Variants in PCDHGB2 observed in about 807,000 individuals in gnomAD.
PCDHGB2 encodes the protein protocadherin gamma-B2.
A neutral mutation model predicts 59.3 loss-of-function variants in PCDHGB2; 55 were observed. The ratio of observed to expected loss-of-function variants is 0.93; its 90% confidence interval spans 0.75 to 1.16. The LOEUF is 1.16. Ranked by LOEUF, PCDHGB2 falls within the 50% of genes most tolerant of loss-of-function variation. PCDHGB2 has a pLI of 0.00. For missense variants in PCDHGB2, 1,228 were observed against 1,198.5 expected (o/e 1.02, Z -0.36); for synonymous variants, 516 against 512.0 (o/e 1.01, Z -0.11).
intron 1 of PCDHGB2, chr5:141,475,850 G>A (rs2099376325): frequency 1.9e-5 from 9 of 464,524 alleles, no homozygotes; most frequent in Middle Eastern, 5.9e-4. Context: ...AGAGAGCCCG[G>A]CGCTAGCTCA....
intron 1 of PCDHGB2, among the ~76,000 whole-genome samples, chr5:141,482,944 G>A (rs1362136222): frequency 6.6e-6 from 1 of 152,094 alleles, no homozygotes; most frequent in Non-Finnish European, 1.5e-5. Context: ...GTGGTTGTGG[G>A]TGCCTGTAAT....
chr5:141,389,144 T>C, intron 1 of PCDHGB2: 1 of 1,614,020 alleles, frequency 6.2e-7, no homozygotes, highest in Non-Finnish European at 8.5e-7. Flanking sequence ...ATATAACCGT[T>C]ACGGCAACAG....
rs548002755 is a variant in PCDHGB2, at chr5:141,409,062, G to A, written c.2421+46506G>A. On this transcript the variant is annotated intron_variant, in intron 1 of 3. Coordinates refer to ENST00000522605, the MANE Select transcript of PCDHGB2 (RefSeq NM_018923.3). ...TACTACTTCCGAAGCACTGCCCAGAGCACAAAACATATGTTCTCATTGGAT... is the reference window on the plus strand; with the variant it reads ...TACTACTTCCGAAGCACTGCCCAGAACACAAAACATATGTTCTCATTGGAT... The A allele has an allele frequency of 3.1e-6, 5 of 1,614,000 alleles. No homozygotes were observed. The South Asian group carries it at 4.4e-5, about 14-fold the overall frequency.
At chr5:141,495,544 T>C (rs971374249) in intron 2 of PCDHGB2, among the ~76,000 whole-genome samples, 5 of 152,220 alleles carry the variant, frequency 3.3e-5, no homozygotes, top group African/African-American at 7.2e-5. Context: ...CCTCAGTCTC[T>C]ATCTCGCTTT....
At chr5:141,374,951 C>T (rs780549456) in intron 1 of PCDHGB2, 2 of 1,614,018 alleles carry the variant, frequency 1.2e-6, no homozygotes, top group Non-Finnish European at 1.7e-6. Context: ...AAAGATCTCA[C>T]AAATTTTCTG....
chr5:141,392,745 G>A, intron 1 of PCDHGB2: 1 of 1,441,296 alleles, frequency 6.9e-7, no homozygotes, highest in African/African-American at 1.4e-5. Flanking sequence ...CCATAGCTGC[G>A]GCAAGAAACT....
At chr5:141,495,286 A>T (rs1341490472) in intron 2 of PCDHGB2, among the ~76,000 whole-genome samples, 2 of 152,088 alleles carry the variant, frequency 1.3e-5, no homozygotes, top group Non-Finnish European at 2.9e-5. Context: ...GGCGGTCCGC[A>T]CTCAGCGCCT....
At chr5:141,430,771 G>A (rs772862341) in intron 1 of PCDHGB2, 37 of 1,506,734 alleles carry the variant, frequency 2.5e-5, no homozygotes, top group Non-Finnish European at 2.7e-5. Flanking sequence ...TGATTCCTGC[G>A]CGACTGCACC....
At chr5:141,384,620 G>T in intron 1 of PCDHGB2, 1 of 1,614,200 alleles carries the variant, frequency 6.2e-7, no homozygotes, top group Non-Finnish European at 8.5e-7. Flanking sequence ...GGTTCTACTG[G>T]CATGGAGCTG....
chr5:141,478,901 A>T (rs2099483520), intron 1 of PCDHGB2: 2 of 1,002,034 alleles, frequency 2.0e-6, no homozygotes, highest in African/African-American at 3.3e-5. Flanking sequence ...ATTAGGAATA[A>T]GCTGCTGGAT....
At chr5:141,462,523 G>GTGTT (rs2099041548) in intron 1 of PCDHGB2, among the ~76,000 whole-genome samples, 1 of 152,024 alleles carries the variant, frequency 6.6e-6, no homozygotes, top group African/African-American at 2.4e-5. Context: ...GTTAGTAAGA[G>GTGTT]TGTTGTTCAG....
chr5:141,384,763 T>C, intron 1 of PCDHGB2: 1 of 1,613,952 alleles, frequency 6.2e-7, no homozygotes. Context: ...GGTTGGGCTG[T>C]ACACGGGCGA....
chr5:141,451,676 G>C (rs1363843426), intron 1 of PCDHGB2, among the ~76,000 whole-genome samples: 1 of 152,142 alleles, frequency 6.6e-6, no homozygotes, highest in African/African-American at 2.4e-5. Context: ...GAGCCCAGGA[G>C]TTCAAGACCA....
chr5:141,501,331 A>ACC (rs906542724), intron 2 of PCDHGB2, among the ~76,000 whole-genome samples: 1 of 138,846 alleles, frequency 7.2e-6, no homozygotes, highest in Non-Finnish European at 1.6e-5. Flanking sequence ...ACACACACAC[A>ACC]CACCCCAAAC....
intron 1 of PCDHGB2, chr5:141,385,593 C>A: frequency 8.1e-7 from 1 of 1,235,054 alleles, no homozygotes; most frequent in African/African-American, 1.6e-5. Flanking sequence ...TTCCAACCTA[C>A]TTTCTTAACT....
intron 1 of PCDHGB2, chr5:141,385,038 G>C (rs377185831): frequency 4.3e-6 from 7 of 1,614,138 alleles, no homozygotes; most frequent in Non-Finnish European, 5.9e-6. Flanking sequence ...TACTGCTGGC[G>C]CTCAGGCTGC....
At chr5:141,500,355 C>G (rs539892249) in intron 2 of PCDHGB2, among the ~76,000 whole-genome samples, 2 of 151,912 alleles carry the variant, frequency 1.3e-5, no homozygotes, top group Non-Finnish European at 2.9e-5. Flanking sequence ...ACTACAGGCG[C>G]CCACTACCAC....
At chr5:141,505,583 T>C (rs2099846941) in intron 3 of PCDHGB2, 102 bp downstream of exon 3, 3 of 1,583,532 alleles carry the variant, frequency 1.9e-6, no homozygotes, top group Non-Finnish European at 2.6e-6. Flanking sequence ...ACCTGTGTAG[T>C]TTCTCCAGAT....
intron 1 of PCDHGB2, chr5:141,408,693 T>C (rs1561714723): frequency 6.2e-6 from 10 of 1,613,768 alleles, no homozygotes; most frequent in Non-Finnish European, 8.5e-6. Flanking sequence ...GATATAAACA[T>C]AAACTCAATT....
Sources: gnomAD v4.1 joint callset for allele counts (sites outside exome capture counted in the v4.1 genomes callset) on GRCh38, gnomAD v4.1.1 for gene constraint, MANE v1.5 for transcripts, NCBI Gene and HGNC (gene_info 2026-07-23, HGNC 2026-07-21) for gene names.